FAM171A1: variants seen among roughly 807,000 people sequenced by gnomAD.
The protein encoded by FAM171A1 is family with sequence similarity 171 member A1.
In FAM171A1, 23 loss-of-function variants were observed where a neutral mutation model predicts 74.9. The observed-to-expected ratio is 0.31, with a 90% CI of 0.22 to 0.44. The LOEUF is 0.44. Among genes scored for constraint, FAM171A1 ranks in the 20% least tolerant of loss-of-function variants. The probability of loss-of-function intolerance (pLI) is 1.00; values close to 1 mark genes in which losing one functional copy is unlikely to be tolerated. For missense variants in FAM171A1, 1,162 were observed against 1,159.2 expected, an observed-to-expected ratio of 1.00 and a Z score of -0.03; for synonymous variants, 527 against 505.7, an observed-to-expected ratio of 1.04 and a Z score of -0.57.
At chr10:15,292,323 C>A (rs927410314) in intron 1 of FAM171A1, among the ~76,000 whole-genome samples, 2 of 152,180 alleles carry the variant, frequency 1.3e-5, no homozygotes, top group Non-Finnish European at 2.9e-5. Flanking sequence ...AGTACAAGGA[C>A]CTTCCTCCCA....
Position 15,254,887 on chromosome 10 carries a change from G to T in FAM171A1, c.419-8C>A, listed in dbSNP as rs200557012. ...GAGGCTGTGGCCGGGCACCTGCAGA[G>T]ATTAACCTCCGAGTTATCTCCCCCA... On this transcript the variant is annotated splice_region_variant and splice_polypyrimidine_tract_variant and intron_variant, in intron 3 of 7. Coordinates refer to ENST00000378116, the MANE Select transcript of FAM171A1 (RefSeq NM_001010924.2). 37 of 1,610,480 alleles carry T rather than the reference G, an allele frequency of 2.3e-5. No homozygotes were observed. In the East Asian group the frequency reaches 8.3e-4, roughly 36 times the overall value.
chr10:15,214,043 A>T lies in FAM171A1; in HGVS notation c.1545T>A (p.Ile515=), dbSNP rs1564611879. 6.2e-7 allele frequency: 1 copy of T among 1,614,090 alleles called. No homozygotes were observed. The change falls in exon 8 of 8, where the codon ATT becomes ATA. Residue 515 remains isoleucine, a synonymous_variant. Transcript: ENST00000378116. ...GPASTGSKLT[I]QEHLYPAPSS... is the part of the protein sequence containing the mutation. ...AAGGCGCGGGGTACAGATGTTCCTG[A>T]ATGGTGAGTTTGCTTCCCGTGGAGG...
At chr10:15,220,797 T>C (rs185669578) in intron 6 of FAM171A1, 147 bp downstream of exon 6, 9 of 658,706 alleles carry the variant, frequency 1.4e-5, no homozygotes, top group Non-Finnish European at 2.1e-5. Flanking sequence ...AATACCTTCT[T>C]TACATCATCT....
At chr10:15,249,588 G>T (rs772231772) in intron 4 of FAM171A1, among the ~76,000 whole-genome samples, 1 of 152,142 alleles carries the variant, frequency 6.6e-6, no homozygotes, top group Non-Finnish European at 1.5e-5. Context: ...TAGAGCAGAG[G>T]CTGCTTTTTT....
chr10:15,309,627 A>G (rs1835336765), intron 1 of FAM171A1, among the ~76,000 whole-genome samples: 1 of 152,278 alleles, frequency 6.6e-6, no homozygotes, highest in South Asian at 2.1e-4. Flanking sequence ...GTCTTGGCCG[A>G]CAATTGCCCA....
intron 1 of FAM171A1, among the ~76,000 whole-genome samples, chr10:15,302,829 A>G (rs1457594575): frequency 1.3e-5 from 2 of 152,242 alleles, no homozygotes; most frequent in African/African-American, 4.8e-5. Context: ...TTGACTGAAT[A>G]AATTCTGTAT....
At chr10:15,350,042 T>G (rs578213086) in intron 1 of FAM171A1, among the ~76,000 whole-genome samples, 2 of 151,662 alleles carry the variant, frequency 1.3e-5, no homozygotes, top group Non-Finnish European at 1.5e-5. Context: ...GAGAGGGAGA[T>G]AGATCAGACA....
At chr10:15,346,404 A>G (rs1466123010) in intron 1 of FAM171A1, among the ~76,000 whole-genome samples, 1 of 152,150 alleles carries the variant, frequency 6.6e-6, no homozygotes, top group African/African-American at 2.4e-5. Flanking sequence ...GCCCACAGGC[A>G]TGTTCTTATG....
chr10:15,240,500 T>C (rs1834349968), intron 5 of FAM171A1, among the ~76,000 whole-genome samples: 1 of 152,282 alleles, frequency 6.6e-6, no homozygotes, highest in Admixed American at 6.5e-5. Context: ...TTCTAATGAA[T>C]ATATAGGTTG....
chr10:15,298,626 C>T (rs1467559208), intron 1 of FAM171A1, among the ~76,000 whole-genome samples: 1 of 151,992 alleles, frequency 6.6e-6, no homozygotes, highest in Non-Finnish European at 1.5e-5. Flanking sequence ...CATATGGCTC[C>T]AAAAAACAAA....
chr10:15,272,916 C>T (rs1222523497), intron 3 of FAM171A1, among the ~76,000 whole-genome samples: 4 of 152,164 alleles, frequency 2.6e-5, no homozygotes, highest in Non-Finnish European at 4.4e-5. Flanking sequence ...ATTTATAGCA[C>T]TAAAAGTCCA....
chr10:15,299,268 G>A (rs1318472194), intron 1 of FAM171A1, among the ~76,000 whole-genome samples: 1 of 152,148 alleles, frequency 6.6e-6, no homozygotes, highest in Non-Finnish European at 1.5e-5. Flanking sequence ...GTCCCCTTAT[G>A]AGAATCTGGA....
At chr10:15,351,355 G>A (rs575333034) in intron 1 of FAM171A1, among the ~76,000 whole-genome samples, 7 of 152,264 alleles carry the variant, frequency 4.6e-5, no homozygotes, top group South Asian at 4.1e-4. Context: ...GGAAGAGGTC[G>A]CGTGTGGGAT....
At chr10:15,344,506 T>C (rs1301325396) in intron 1 of FAM171A1, among the ~76,000 whole-genome samples, 6 of 152,172 alleles carry the variant, frequency 3.9e-5, no homozygotes, top group East Asian at 1.9e-4. Context: ...AACTGCACCA[T>C]TGCACTCCAG....
chr10:15,282,235 G>C (rs147245913), intron 2 of FAM171A1, among the ~76,000 whole-genome samples: 12 of 152,114 alleles, frequency 7.9e-5, no homozygotes. Flanking sequence ...TGATTCTACC[G>C]TTTCAAATGA....
chr10:15,303,510 G>A (rs796551086), intron 1 of FAM171A1, among the ~76,000 whole-genome samples: 78 of 152,268 alleles, frequency 5.1e-4, no homozygotes, highest in African/African-American at 1.7e-3. Context: ...TGTCCTGGCA[G>A]CAATGTCAAT....
chr10:15,269,642 T>G (rs919903393), intron 3 of FAM171A1, among the ~76,000 whole-genome samples: 1 of 152,144 alleles, frequency 6.6e-6, no homozygotes, highest in Non-Finnish European at 1.5e-5. Context: ...CACACTGGCC[T>G]GCTTATTAGT....
chr10:15,242,016 T>C (rs953005864), intron 5 of FAM171A1, among the ~76,000 whole-genome samples: 1 of 152,226 alleles, frequency 6.6e-6, no homozygotes, highest in African/African-American at 2.4e-5. Context: ...ATCTGTGCCA[T>C]TTCTGGCTGT....
intron 1 of FAM171A1, among the ~76,000 whole-genome samples, chr10:15,284,537 C>G (rs1835012899): frequency 6.6e-6 from 1 of 152,176 alleles, no homozygotes; most frequent in African/African-American, 2.4e-5. Context: ...ATCCTCCCAC[C>G]TCAGCCTCCT....
Sources: allele counts gnomAD v4.1 joint callset (sites outside exome capture counted in the v4.1 genomes callset), GRCh38; gene constraint gnomAD v4.1.1; transcripts MANE v1.5; gene names NCBI Gene and HGNC (gene_info 2026-07-23, HGNC 2026-07-21).